Variants in IL1RAPL2 observed in about 807,000 individuals in gnomAD.
IL1RAPL2 encodes the protein interleukin 1 receptor accessory protein like 2.
In IL1RAPL2, 3 loss-of-function variants were observed where a neutral mutation model predicts 44.1. The observed-to-expected ratio is 0.07, with a 90% CI of 0.03 to 0.18. The LOEUF (loss-of-function observed/expected upper bound fraction) is 0.18, where lower values mean the gene tolerates loss of function less well. Ranked by LOEUF, IL1RAPL2 falls within the 10% of genes least tolerant of loss-of-function variation. The pLI is 1.00. For missense variants in IL1RAPL2, 391 were observed against 496.4 expected (o/e 0.79, Z 2.02); for synonymous variants, 181 against 178.8 (o/e 1.01, Z -0.10).
intron 7 of IL1RAPL2, among the ~76,000 whole-genome samples, chrX:105,730,745 C>T (rs1160480582): frequency 3.6e-5 from 4 of 111,209 alleles, no homozygotes; most frequent in Non-Finnish European, 5.7e-5. Flanking sequence ...GGAAATTAAT[C>T]AACATGTCCC....
chrX:104,924,175 A>G (rs773257297), intron 2 of IL1RAPL2, among the ~76,000 whole-genome samples: 46 of 111,566 alleles, frequency 4.1e-4, no homozygotes, highest in Non-Finnish European at 4.9e-4. Flanking sequence ...ATACTACTAG[A>G]CCCAAAGAAA....
chrX:105,044,327 T>C (rs1310325606), intron 2 of IL1RAPL2, among the ~76,000 whole-genome samples: 1 of 110,912 alleles, frequency 9.0e-6, no homozygotes, highest in Non-Finnish European at 1.9e-5. Context: ...TGGTTAGATA[T>C]GGTGAACTGA....
intron 2 of IL1RAPL2, among the ~76,000 whole-genome samples, chrX:104,923,699 C>T (rs1407857239): frequency 9.0e-6 from 1 of 111,200 alleles, no homozygotes; most frequent in African/African-American, 3.3e-5. Context: ...GTCATAAAAG[C>T]ACATGTAAGT....
chrX:104,613,074 A>G (rs1929196883), intron 1 of IL1RAPL2, among the ~76,000 whole-genome samples: 1 of 112,208 alleles, frequency 8.9e-6, no homozygotes, highest in Non-Finnish European at 1.9e-5. Context: ...ATATTTTGAC[A>G]GAGTCTTTAG....
At chrX:105,338,365 C>T (rs150605491) in intron 5 of IL1RAPL2, among the ~76,000 whole-genome samples, 124 of 112,108 alleles carry the variant, frequency 1.1e-3, no homozygotes, top group Non-Finnish European at 2.0e-3. Flanking sequence ...TTATTAGACA[C>T]AGCACCTAGA....
At chrX:104,673,451 A>G (rs1266598271) in intron 2 of IL1RAPL2, among the ~76,000 whole-genome samples, 2 of 110,869 alleles carry the variant, frequency 1.8e-5, no homozygotes, top group Admixed American at 1.9e-4. Context: ...TGTTCTATTG[A>G]TCTATATCTC....
At position 105,271,648 on chromosome X, in the gene IL1RAPL2, A is replaced by G. The variant is rs143636697; in HGVS notation, c.697+4107A>G. Among the ~76,000 whole-genome samples, 250 of 110,856 alleles carry G rather than the reference A, an allele frequency of 2.3e-3. 2 individuals carry two copies. Among genetic ancestry groups the G allele is most frequent in the African/African-American group, 7.5e-3 (230 of 30,488 alleles). On this transcript the variant is annotated intron_variant, in intron 5 of 10. Transcript: ENST00000372582. Reference sequence around the variant, plus strand: ...CAAAGGCAGTATGGCCATTTTCACGATATTGATTCTTCCTACCCATGAGCA... The same window carrying G: ...CAAAGGCAGTATGGCCATTTTCACGGTATTGATTCTTCCTACCCATGAGCA...
intron 2 of IL1RAPL2, among the ~76,000 whole-genome samples, chrX:104,912,650 T>C (rs1454731928): frequency 8.9e-6 from 1 of 111,735 alleles, no homozygotes; most frequent in Non-Finnish European, 1.9e-5. Flanking sequence ...TCAGCAAATA[T>C]GGTAAAGCAT....
intron 5 of IL1RAPL2, among the ~76,000 whole-genome samples, chrX:105,393,470 A>G (rs1255409507): frequency 9.0e-6 from 1 of 111,679 alleles, no homozygotes; most frequent in Non-Finnish European, 1.9e-5. Flanking sequence ...AACCACACCT[A>G]TATCTTAGCA....
At chrX:105,510,083 G>C (rs993138777) in intron 6 of IL1RAPL2, among the ~76,000 whole-genome samples, 1 of 111,368 alleles carries the variant, frequency 9.0e-6, no homozygotes, top group African/African-American at 3.3e-5. Flanking sequence ...GGGAGGCTGA[G>C]GAGGGGAATG....
chrX:105,701,671 T>A (rs2038120603), intron 6 of IL1RAPL2, among the ~76,000 whole-genome samples: 1 of 111,568 alleles, frequency 9.0e-6, no homozygotes, highest in Non-Finnish European at 1.9e-5. Context: ...TCTCTCATAC[T>A]CCATAATGAC....
intron 5 of IL1RAPL2, among the ~76,000 whole-genome samples, chrX:105,286,722 A>G (rs2034575091): frequency 9.0e-6 from 1 of 111,512 alleles, no homozygotes; most frequent in African/African-American, 3.2e-5. Context: ...ATTTTTACAA[A>G]TGAAATTGTT....
intron 6 of IL1RAPL2, among the ~76,000 whole-genome samples, chrX:105,552,836 C>CA (rs1056038715): frequency 1.8e-5 from 2 of 111,470 alleles, no homozygotes; most frequent in East Asian, 2.8e-4. Flanking sequence ...TGTTCAATAA[C>CA]AAAAAAAATT....
intron 2 of IL1RAPL2, among the ~76,000 whole-genome samples, chrX:104,922,002 A>C (rs180919061): frequency 2.7e-5 from 3 of 111,874 alleles, no homozygotes; most frequent in African/African-American, 9.8e-5. Context: ...CCCCCACTGG[A>C]GGGTTGTCCC....
At chrX:105,259,955 A>T (rs1040393366) in intron 4 of IL1RAPL2, among the ~76,000 whole-genome samples, 2 of 111,682 alleles carry the variant, frequency 1.8e-5, no homozygotes, top group African/African-American at 6.5e-5. Flanking sequence ...ATTTTCTAGT[A>T]CCTGGAGGTA....
At chrX:104,610,865 C>T (rs1295382723) in intron 1 of IL1RAPL2, among the ~76,000 whole-genome samples, 1 of 111,988 alleles carries the variant, frequency 8.9e-6, no homozygotes, top group Non-Finnish European at 1.9e-5. Context: ...ATCACGCTAC[C>T]TAACTTCAAA....
rs764917479 is a variant in IL1RAPL2, at chrX:105,132,162, GAAAAAA to G, written c.83-63306_83-63301del. Among the ~76,000 whole-genome samples, 4 of 90,390 alleles carry G rather than the reference GAAAAAA, an allele frequency of 4.4e-5. No individual in the cohort carries two copies. The Admixed American group carries it at 5.0e-4, about 11-fold the overall frequency. The allele number at this position is 90,390 out of a possible 115,157, so 78.5% of individuals were successfully genotyped here. On this transcript the variant is annotated intron_variant, in intron 2 of 10. Transcript: ENST00000372582. ...TTGTCAGATCATCCCAAAGAATCAA[GAAAAAA>G]AAAAAAGAAAAAGAAAATGTCATAT...
chrX:105,435,746 C>T (rs1406643940), intron 5 of IL1RAPL2, among the ~76,000 whole-genome samples: 3 of 111,381 alleles, frequency 2.7e-5, no homozygotes, highest in Non-Finnish European at 5.6e-5. Context: ...TTTGCAGTTA[C>T]GTGGATGAAG....
chrX:105,253,392 C>A lies in IL1RAPL2; in HGVS notation c.544-13996C>A, dbSNP rs1411842626. 2.7e-5 allele frequency among the ~76,000 whole-genome samples: 3 copies of A among 111,259 alleles called. No homozygotes were observed. The East Asian group carries it at 8.5e-4, about 32-fold the overall frequency. ...TCTGTTGCAGTGTGTTGATTCCTAG[C>A]ATTTCCTTGAGATTATTTTTAAGAG... is the stretch of plus-strand genomic sequence containing the variant. On this transcript the variant is annotated intron_variant, in intron 4 of 10. Transcript: ENST00000372582.
Sources: allele counts gnomAD v4.1 joint callset (sites outside exome capture counted in the v4.1 genomes callset), GRCh38; gene constraint gnomAD v4.1.1; transcripts MANE v1.5; gene names NCBI Gene and HGNC (gene_info 2026-07-23, HGNC 2026-07-21).